PRKCQ: variants seen among roughly 807,000 people sequenced by gnomAD.
PRKCQ encodes the protein protein kinase C theta.
In PRKCQ, 41 loss-of-function variants were observed where a neutral mutation model predicts 91.2. That is an observed-to-expected ratio of 0.45 (90% CI 0.35 to 0.58). The LOEUF (loss-of-function observed/expected upper bound fraction) is 0.58, where lower values mean the gene tolerates loss of function less well. Among genes scored for constraint, PRKCQ ranks in the 20% least tolerant of loss-of-function variants. The probability of loss-of-function intolerance (pLI) is 0.00; values close to 1 mark genes in which losing one functional copy is unlikely to be tolerated. For missense variants in PRKCQ, 673 were observed against 896.5 expected (o/e 0.75, Z 3.18); for synonymous variants, 307 against 316.9 (o/e 0.97, Z 0.33).
intron 14 of PRKCQ, among the ~76,000 whole-genome samples, chr10:6,460,859 C>T (rs1189064244): frequency 6.6e-6 from 1 of 151,492 alleles, no homozygotes; most frequent in Non-Finnish European, 1.5e-5. Flanking sequence ...ATCCATCCAA[C>T]CATCTGTTCA....
intron 11 of PRKCQ, among the ~76,000 whole-genome samples, chr10:6,481,818 G>A (rs1259205968): frequency 2.0e-5 from 3 of 152,140 alleles, no homozygotes; most frequent in Non-Finnish European, 4.4e-5. Flanking sequence ...TCCCATCCAA[G>A]AATGTAAAAC....
intron 4 of PRKCQ, among the ~76,000 whole-genome samples, chr10:6,501,072 A>C (rs1477927744): frequency 6.6e-6 from 1 of 152,204 alleles, no homozygotes; most frequent in Non-Finnish European, 1.5e-5. Flanking sequence ...AAAAGAAATG[A>C]AGTTTTCAGC....
chr10:6,559,348 A>G (rs1840535921), intron 1 of PRKCQ, among the ~76,000 whole-genome samples: 1 of 152,020 alleles, frequency 6.6e-6, no homozygotes, highest in Non-Finnish European at 1.5e-5. Context: ...TTTCTAGATC[A>G]TCTAGTGACT....
intron 4 of PRKCQ, among the ~76,000 whole-genome samples, chr10:6,499,523 G>C (rs189306269): frequency 6.6e-6 from 1 of 152,104 alleles, no homozygotes; most frequent in African/African-American, 2.4e-5. Context: ...GAACAGTAAA[G>C]AAATAAAAAT....
At chr10:6,537,370 T>C (rs1031401124) in intron 1 of PRKCQ, among the ~76,000 whole-genome samples, 1 of 152,190 alleles carries the variant, frequency 6.6e-6, no homozygotes, top group South Asian at 2.1e-4. Flanking sequence ...AATGCCACCA[T>C]CTTGTGACAT....
rs1462728977 is a variant in PRKCQ at position 6,447,673 on chromosome 10, T to A, written c.1648-5592A>T. The stretch of plus-strand genomic sequence containing the variant: ...ATGCATGAGCTTCTGAGATTTGAGT[T>A]CTCCTCACAGGAACGATGGGTGCCT... On this transcript the variant is annotated intron_variant, in intron 15 of 17. Coordinates refer to ENST00000263125, the MANE Select transcript of PRKCQ (RefSeq NM_006257.5). Among the ~76,000 whole-genome samples, 7 of 152,172 alleles carry A rather than the reference T, an allele frequency of 4.6e-5. No individual in the cohort carries two copies. The East Asian group carries it at 7.7e-4, about 17-fold the overall frequency.
In PRKCQ at chr10:6,480,987, A is replaced by T. The variant is rs1255453155; in HGVS notation, c.1180-1822T>A. Among the ~76,000 whole-genome samples the T allele has an allele frequency of 2.0e-5, 3 of 152,244 alleles. No individual in the cohort carries two copies. The East Asian group carries it at 5.8e-4, about 29-fold the overall frequency. On this transcript the variant is annotated intron_variant, in intron 11 of 17. Coordinates refer to ENST00000263125, the MANE Select transcript of PRKCQ (RefSeq NM_006257.5). ...GGTATAGAGGTCTTGGTGAGGAAACATACTTTCCACATAAAGCCAGAAGAG... is the reference window on the plus strand; with the variant it reads ...GGTATAGAGGTCTTGGTGAGGAAACTTACTTTCCACATAAAGCCAGAAGAG...
the PRKCQ span, among the ~76,000 whole-genome samples, chr10:6,405,137 A>G: frequency 6.6e-6 from 1 of 152,108 alleles, no homozygotes; most frequent in Non-Finnish European, 1.5e-5. Context: ...GCACGCCACC[A>G]CACCCTGCTA....
chr10:6,470,819 C>T (rs1225294454), intron 12 of PRKCQ, among the ~76,000 whole-genome samples: 2 of 151,888 alleles, frequency 1.3e-5, no homozygotes, highest in Non-Finnish European at 2.9e-5. Flanking sequence ...GGCATGGTGG[C>T]ACACACCTGT....
At position 6,457,942 on chromosome 10, in the gene PRKCQ, ATC is replaced by A. The variant is rs553417270; in HGVS notation, c.1509-1132_1509-1131del. On this transcript the variant is annotated intron_variant, in intron 14 of 17. Coordinates refer to ENST00000263125, the MANE Select transcript of PRKCQ (RefSeq NM_006257.5). Reference sequence around the variant, plus strand: ...AGATAATTCAGGTGCTTCCCTTGATATCAGGTTTTTTTTTTTCCCCTGAGACG... The same window carrying A: ...AGATAATTCAGGTGCTTCCCTTGATAAGGTTTTTTTTTTTCCCCTGAGACG... Among the ~76,000 whole-genome samples the A allele has an allele frequency of 2.8e-4, 40 of 140,796 alleles. No individual in the cohort carries two copies. In the East Asian group the frequency reaches 3.6e-3, roughly 13 times the overall value. 92.4% of individuals were successfully genotyped at this position (140,796 alleles called of 152,430 possible). A position where few individuals can be genotyped will look rare whatever the true frequency, so the allele number is the denominator to read the frequency against.
chr10:6,486,771 G>T (rs1215778431), intron 8 of PRKCQ, among the ~76,000 whole-genome samples: 1 of 152,226 alleles, frequency 6.6e-6, no homozygotes, highest in African/African-American at 2.4e-5. Context: ...ACTCCAGTCT[G>T]GGTCCAAAAC....
intron 2 of PRKCQ, 112 bp from the exon 3 acceptor site, chr10:6,511,306 G>A: frequency 2.9e-6 from 3 of 1,026,270 alleles, no homozygotes; most frequent in South Asian, 1.5e-5. Context: ...ATAGAATTCT[G>A]TTGGGAAGAC....
the PRKCQ span, among the ~76,000 whole-genome samples, chr10:6,417,539 T>C: frequency 6.6e-6 from 1 of 152,342 alleles, no homozygotes; most frequent in East Asian, 1.9e-4. Flanking sequence ...ATGTTCGGAA[T>C]GCGTGCGATC....
At chr10:6,440,911 C>G (rs1833938290) in intron 16 of PRKCQ, among the ~76,000 whole-genome samples, 1 of 152,128 alleles carries the variant, frequency 6.6e-6, no homozygotes, top group Non-Finnish European at 1.5e-5. Context: ...TCGCTTTAAC[C>G]TGGGAGGTGG....
intron 1 of PRKCQ, among the ~76,000 whole-genome samples, chr10:6,533,977 A>C (rs1839485147): frequency 6.6e-6 from 1 of 152,212 alleles, no homozygotes. Flanking sequence ...ATATGATCCC[A>C]CAGACAAGCC....
intron 4 of PRKCQ, among the ~76,000 whole-genome samples, chr10:6,499,324 T>C (rs538075403): frequency 1.3e-5 from 2 of 152,318 alleles, no homozygotes; most frequent in African/African-American, 4.8e-5. Flanking sequence ...GTGCTTTGGA[T>C]AGTCACTGTT....
At chr10:6,485,351 G>T in intron 9 of PRKCQ, 82 bp from the exon 10 acceptor site, 3 of 1,089,014 alleles carry the variant, frequency 2.8e-6, no homozygotes, top group South Asian at 2.5e-5. Context: ...GGGGACAAAG[G>T]CCATTTAAAA....
At position 6,557,133 on chromosome 10, in the gene PRKCQ, C is replaced by T. The variant is rs11814080; in HGVS notation, c.-10+23078G>A. ...ACTTCTGCCGTGGCTTCTCCCGCTGCTATGGCCTTACCTCCCTTCCTTCAC... is the reference window on the plus strand; with the variant it reads ...ACTTCTGCCGTGGCTTCTCCCGCTGTTATGGCCTTACCTCCCTTCCTTCAC... On this transcript the variant is annotated intron_variant, in intron 1 of 17. Transcript: ENST00000263125. Among the ~76,000 whole-genome samples the T allele has an allele frequency of 4.0e-3, 602 of 152,324 alleles. 1 individual carries two copies. Among genetic ancestry groups the T allele is most frequent in the African/African-American group, 0.014 (568 of 41,566 alleles).
chr10:6,402,813 G>A, the PRKCQ span, among the ~76,000 whole-genome samples: 2 of 152,266 alleles, frequency 1.3e-5, no homozygotes, highest in African/African-American at 4.8e-5. Flanking sequence ...TGGAGGCTGA[G>A]ACAGGAGAAT....
Sources: allele counts gnomAD v4.1 joint callset (sites outside exome capture counted in the v4.1 genomes callset), GRCh38; gene constraint gnomAD v4.1.1; transcripts MANE v1.5; gene names NCBI Gene and HGNC (gene_info 2026-07-23, HGNC 2026-07-21).